The following SPP2 variants were observed in gnomAD, a reference collection of about 807,000 sequenced individuals.
The protein encoded by SPP2 is secreted phosphoprotein 24.
SPP2 carries 34 observed loss-of-function variants against 28.8 expected under a neutral mutation model. That is an observed-to-expected ratio of 1.18 (90% CI 0.90 to 1.57). The LOEUF is 1.57. SPP2 is among the 40% of genes most tolerant of loss of function. The pLI is 0.00. For synonymous variants in SPP2, 96 were observed against 89.4 expected (o/e 1.07, Z -0.42); for missense variants, 269 against 263.9 (o/e 1.02, Z -0.13).
chr2:234,074,380 C>T lies in SPP2; in HGVS notation c.*11-2465C>T, dbSNP rs142646061. 3.1e-3 allele frequency among the ~76,000 whole-genome samples: 467 copies of T among 152,320 alleles called. 1 individual carries two copies. The highest frequency in any genetic ancestry group is 0.011 in the African/African-American group (452 of 41,568). On this transcript the variant is annotated intron_variant, in intron 7 of 7. Coordinates refer to ENST00000168148, the MANE Select transcript of SPP2 (RefSeq NM_006944.3). ...CCGGTCCCTAAAACCTGCACCACCA[C>T]CGCCAGCTTTCTGAGTGATTTCCAC... is the stretch of plus-strand genomic sequence containing the variant.
intron 7 of SPP2, among the ~76,000 whole-genome samples, chr2:234,075,188 A>C (rs533607715): frequency 1.3e-5 from 2 of 152,218 alleles, no homozygotes; most frequent in East Asian, 1.9e-4. Context: ...AAGAACCATG[A>C]GTACTGATTT....
chr2:234,073,785 A>G (rs964306480), intron 7 of SPP2, among the ~76,000 whole-genome samples: 2 of 152,216 alleles, frequency 1.3e-5, no homozygotes, highest in African/African-American at 4.8e-5. Context: ...CTTGATTATT[A>G]GTGTGAAGTT....
chr2:234,070,502 C>T (rs760392106), intron 7 of SPP2, among the ~76,000 whole-genome samples: 1 of 152,184 alleles, frequency 6.6e-6, no homozygotes, highest in Admixed American at 6.5e-5. Flanking sequence ...GCTCTTGTTG[C>T]CCATGCTGGA....
chr2:234,069,920 A>G lies in SPP2; in HGVS notation c.551-8A>G. 1 of 1,609,108 alleles carries G rather than the reference A, an allele frequency of 6.2e-7. No homozygotes were observed. The highest frequency in any genetic ancestry group is 8.5e-7 in the Non-Finnish European group (1 of 1,175,828). ...GACAGAGCCTATGCTTCCCTTTTCT[A>G]TCTTTAGGGATCATGAGAAGGGTAT... On this transcript the variant is annotated splice_region_variant and splice_polypyrimidine_tract_variant and intron_variant, in intron 6 of 7. Coordinates refer to ENST00000168148, the MANE Select transcript of SPP2 (RefSeq NM_006944.3).
At chr2:234,069,192 A>AAGAG (rs143384388) in intron 6 of SPP2, among the ~76,000 whole-genome samples, 64,127 of 149,622 alleles carry the variant, frequency 0.43, 13,755 homozygotes, top group Non-Finnish European at 0.46. Context: ...ATTTGAGAGA[A>AAGAG]AGAGAGAGAG....
At chr2:234,055,510 G>A (rs1442151178) in intron 2 of SPP2, among the ~76,000 whole-genome samples, 1 of 152,168 alleles carries the variant, frequency 6.6e-6, no homozygotes, top group Non-Finnish European at 1.5e-5. Context: ...GTTCAGTCAA[G>A]TTGACACTAT....
At position 234,066,543 on chromosome 2, in the gene SPP2, G is replaced by A. The variant is rs769915377; in HGVS notation, c.455G>A (p.Gly152Glu). The change falls in exon 5 of 8, where the codon GGG (glycine) becomes GAG (glutamate). Residue 152 changes from glycine to glutamate, a missense_variant. Transcript: ENST00000168148. The part of the protein sequence containing the change: ...ESYSSEEMIF[G>E]DMLGSHKWRN... ...CCTGAATTTCTTTAGATGATTTTTGGGGACATGTTGGGATCTCATAAATGG... is the reference window on the plus strand; with the variant it reads ...CCTGAATTTCTTTAGATGATTTTTGAGGACATGTTGGGATCTCATAAATGG... 1.9e-6 allele frequency: 3 copies of A among 1,611,996 alleles called. No homozygotes were observed. Among genetic ancestry groups the A allele is most frequent in the Non-Finnish European group, 2.5e-6 (3 of 1,179,462 alleles).
intron 6 of SPP2, among the ~76,000 whole-genome samples, chr2:234,068,381 G>A (rs1693869609): frequency 6.6e-6 from 1 of 152,138 alleles, no homozygotes; most frequent in Non-Finnish European, 1.5e-5. Context: ...AATCAGATTT[G>A]TCAGAATCTA....
At chr2:234,070,753 C>A (rs1180278644) in intron 7 of SPP2, among the ~76,000 whole-genome samples, 1 of 152,182 alleles carries the variant, frequency 6.6e-6, no homozygotes, top group African/African-American at 2.4e-5. Context: ...TGAGCCACCA[C>A]GCCTGGCCGA....
intron 3 of SPP2, among the ~76,000 whole-genome samples, chr2:234,059,527 GT>G (rs1693675824): frequency 6.6e-6 from 1 of 152,176 alleles, no homozygotes; most frequent in South Asian, 2.1e-4. Flanking sequence ...CCCAAATCCA[GT>G]TTCTCGGAAA....
intron 5 of SPP2, among the ~76,000 whole-genome samples, chr2:234,066,807 G>A (rs250978): frequency 0.34 from 51,724 of 152,066 alleles, 9,314 homozygotes; most frequent in Non-Finnish European, 0.4. Context: ...ATTCACAACA[G>A]AGCTTTTCCA....
intron 4 of SPP2, among the ~76,000 whole-genome samples, chr2:234,062,400 G>T (rs1693736960): frequency 6.6e-6 from 1 of 152,186 alleles, no homozygotes; most frequent in African/African-American, 2.4e-5. Context: ...CTGGTGGGTT[G>T]AAATGGACAG....
intron 3 of SPP2, among the ~76,000 whole-genome samples, 186 bp downstream of exon 3, chr2:234,059,144 C>A (rs753595394): frequency 5.3e-5 from 8 of 152,158 alleles, no homozygotes; most frequent in Non-Finnish European, 1.0e-4. Flanking sequence ...GCTGTGGAGT[C>A]TGAGATCCTG....
intron 6 of SPP2, among the ~76,000 whole-genome samples, chr2:234,069,138 G>A (rs2125469113): frequency 6.6e-6 from 1 of 152,066 alleles, no homozygotes; most frequent in Non-Finnish European, 1.5e-5. Flanking sequence ...TAAGACTTCT[G>A]AATGTCCTCA....
At chr2:234,074,437 C>T (rs991704395) in intron 7 of SPP2, among the ~76,000 whole-genome samples, 1 of 152,188 alleles carries the variant, frequency 6.6e-6, no homozygotes, top group African/African-American at 2.4e-5. Flanking sequence ...GTGACAACTT[C>T]TTGTCATGGT....
At chr2:234,076,223 G>A (rs1690890906) in intron 7 of SPP2, among the ~76,000 whole-genome samples, 1 of 152,092 alleles carries the variant, frequency 6.6e-6, no homozygotes, top group African/African-American at 2.4e-5. Flanking sequence ...CTTGAGTGCT[G>A]CTTCTGTCTC....
chr2:234,058,710 G>T, intron 2 of SPP2, 126 bp from the exon 3 acceptor site: 1 of 1,128,392 alleles, frequency 8.9e-7, no homozygotes. Flanking sequence ...TGATTGCTAA[G>T]ATAATTTATT....
At chr2:234,070,334 T>C (rs1690735975) in intron 7 of SPP2, among the ~76,000 whole-genome samples, 1 of 152,240 alleles carries the variant, frequency 6.6e-6, no homozygotes, top group South Asian at 2.1e-4. Flanking sequence ...CTGCCTTCCC[T>C]CCGTCCTTCC....
intron 2 of SPP2, among the ~76,000 whole-genome samples, chr2:234,053,355 A>G (rs28903990): frequency 0.066 from 10,000 of 152,240 alleles, 564 homozygotes; most frequent in African/African-American, 0.15. Flanking sequence ...TAAGTGGTTT[A>G]GTCATGAGTA....
Sources: gnomAD v4.1 joint callset for allele counts (sites outside exome capture counted in the v4.1 genomes callset) on GRCh38, gnomAD v4.1.1 for gene constraint, MANE v1.5 for transcripts, NCBI Gene and HGNC (gene_info 2026-07-23, HGNC 2026-07-21) for gene names.